The following UTRN variants were observed in gnomAD, a reference collection of about 807,000 sequenced individuals.
UTRN encodes utrophin, also known as dystrophin-related protein 1.
A neutral mutation model predicts 463.9 loss-of-function variants in UTRN; 283 were observed. The ratio of observed to expected loss-of-function variants is 0.61; its 90% CI spans 0.55 to 0.67. The LOEUF is 0.67. UTRN is among the 30% of genes least tolerant of loss of function. The pLI, the probability that UTRN is intolerant of heterozygous loss-of-function variation, is 0.00. For synonymous variants in UTRN, 1,442 were observed against 1,431.5 expected (o/e 1.01, Z -0.17); for missense variants, 3,922 against 4,084.3 (o/e 0.96, Z 1.08).
At chr6:144,725,215 A>G (rs1051069366) in intron 53 of UTRN, among the ~76,000 whole-genome samples, 16 of 152,196 alleles carry the variant, frequency 1.1e-4, no homozygotes, top group African/African-American at 3.9e-4. Flanking sequence ...GTTCCCCAGC[A>G]CATGCTGTCT....
chr6:144,482,809 T>G (rs1486009260), intron 27 of UTRN, among the ~76,000 whole-genome samples: 2 of 152,188 alleles, frequency 1.3e-5, no homozygotes, highest in Non-Finnish European at 2.9e-5. Flanking sequence ...TATTTTCTTT[T>G]GAGTGGTGTC....
At chr6:144,583,361 A>G (rs1294703736) in intron 51 of UTRN, 2 of 527,012 alleles carry the variant, frequency 3.8e-6, no homozygotes, top group Admixed American at 3.3e-5. Flanking sequence ...AACCCCCTGT[A>G]TCTTTCAAAT....
intron 63 of UTRN, among the ~76,000 whole-genome samples, chr6:144,796,753 A>G (rs1464111724): frequency 6.6e-6 from 1 of 152,198 alleles, no homozygotes; most frequent in African/African-American, 2.4e-5. Context: ...TATCATTGCT[A>G]GGGAAAAAAA....
At chr6:144,627,415 T>A (rs1431401316) in intron 51 of UTRN, among the ~76,000 whole-genome samples, 1 of 152,262 alleles carries the variant, frequency 6.6e-6, no homozygotes, top group Non-Finnish European at 1.5e-5. Flanking sequence ...TTCATTGCTC[T>A]ATTTTGTAAC....
At chr6:144,488,533 A>T (rs1470596995) in intron 29 of UTRN, 140 bp from the exon 30 acceptor site, 26 of 685,100 alleles carry the variant, frequency 3.8e-5, no homozygotes, top group Non-Finnish European at 5.3e-5. Context: ...TGTTATCATT[A>T]GTAATTATTA....
chr6:144,487,338 C>G (rs1414257297), intron 28 of UTRN, among the ~76,000 whole-genome samples: 1 of 152,110 alleles, frequency 6.6e-6, no homozygotes, highest in African/African-American at 2.4e-5. Flanking sequence ...TATCATATAT[C>G]ACTTGTGCTA....
intron 55 of UTRN, among the ~76,000 whole-genome samples, chr6:144,749,428 G>A (rs1791137969): frequency 6.6e-6 from 1 of 152,160 alleles, no homozygotes; most frequent in African/African-American, 2.4e-5. Context: ...GGGCTTAGGA[G>A]TCACACCTGC....
intron 51 of UTRN, among the ~76,000 whole-genome samples, chr6:144,632,867 A>C (rs1473271855): frequency 6.6e-6 from 1 of 151,874 alleles, no homozygotes; most frequent in Non-Finnish European, 1.5e-5. Context: ...GATTATAGGC[A>C]TGCACCACCA....
intron 23 of UTRN, among the ~76,000 whole-genome samples, chr6:144,468,067 A>G (rs1294513058): frequency 6.6e-6 from 1 of 151,690 alleles, no homozygotes; most frequent in Non-Finnish European, 1.5e-5. Flanking sequence ...AGCTGTGGAC[A>G]TTCCGACAGA....
intron 26 of UTRN, among the ~76,000 whole-genome samples, chr6:144,481,383 T>G (rs1791841452): frequency 6.6e-6 from 1 of 152,252 alleles, no homozygotes; most frequent in Admixed American, 6.5e-5. Context: ...GAGAAACAGC[T>G]ATTTCTGGAT....
At chr6:144,704,116 C>A (rs1200845388) in intron 53 of UTRN, among the ~76,000 whole-genome samples, 1 of 152,092 alleles carries the variant, frequency 6.6e-6, no homozygotes, top group Non-Finnish European at 1.5e-5. Flanking sequence ...CCATTTAAAA[C>A]CTACTTACCG....
chr6:144,628,550 A>C (rs1276348092), intron 51 of UTRN, among the ~76,000 whole-genome samples: 1 of 152,026 alleles, frequency 6.6e-6, no homozygotes, highest in Non-Finnish European at 1.5e-5. Flanking sequence ...AACTTCCAAC[A>C]TTTTCAGCTT....
intron 52 of UTRN, among the ~76,000 whole-genome samples, chr6:144,698,418 A>G (rs1443393393): frequency 2.6e-5 from 4 of 152,230 alleles, no homozygotes; most frequent in Non-Finnish European, 5.9e-5. Flanking sequence ...TTCGTTCTGT[A>G]TTTAAACTTT....
intron 42 of UTRN, among the ~76,000 whole-genome samples, chr6:144,532,736 C>G (rs1797177525): frequency 6.6e-6 from 1 of 152,152 alleles, no homozygotes; most frequent in African/African-American, 2.4e-5. Context: ...TGCCTTCAAG[C>G]ACTTGCTTGA....
intron 51 of UTRN, among the ~76,000 whole-genome samples, chr6:144,589,477 T>C (rs1802792621): frequency 6.6e-6 from 1 of 152,206 alleles, no homozygotes. Context: ...TAGTATGCGG[T>C]GCAGCTTGTG....
chr6:144,417,244 C>T (rs1326773055), intron 3 of UTRN, among the ~76,000 whole-genome samples: 1 of 152,156 alleles, frequency 6.6e-6, no homozygotes, highest in Non-Finnish European at 1.5e-5. Flanking sequence ...CCTACATATC[C>T]CAGTCCAGTG....
chr6:144,480,833 AT>A (rs1336387990), intron 26 of UTRN, among the ~76,000 whole-genome samples: 4 of 152,100 alleles, frequency 2.6e-5, no homozygotes, highest in Non-Finnish European at 2.9e-5. Flanking sequence ...AAAATCTGTG[AT>A]TTTTTTCAAA....
chr6:144,476,086 C>A lies in UTRN; in HGVS notation c.3336+1327C>A, dbSNP rs572434190. 4.8e-5 allele frequency among the ~76,000 whole-genome samples: 7 copies of A among 145,618 alleles called. No homozygotes were observed. In the South Asian group the frequency reaches 1.1e-3, roughly 23 times the overall value. The stretch of plus-strand genomic sequence containing the variant: ...GCCAGATCCTGTCTTAAAAAAAAAA[C>A]AAAAATTGTAGAGATGGGGTTCTTA... On this transcript the variant is annotated intron_variant, in intron 25 of 74. Coordinates refer to ENST00000367545, the MANE Select transcript of UTRN (RefSeq NM_007124.3).
chr6:144,657,250 CAAAAAAAAAAAAA>C (rs11400052), intron 51 of UTRN, among the ~76,000 whole-genome samples: 121 of 68,870 alleles, frequency 1.8e-3, no homozygotes, highest in African/African-American at 5.4e-3. Context: ...AACTCCATCT[CAAAAAAAAAAAAA>C]AAAAAAAAAA....
Sources: gnomAD v4.1 joint callset for allele counts (sites outside exome capture counted in the v4.1 genomes callset) on GRCh38, gnomAD v4.1.1 for gene constraint, MANE v1.5 for transcripts, NCBI Gene and HGNC (gene_info 2026-07-23, HGNC 2026-07-21) for gene names.